The following XPO5 variants were observed in gnomAD, a reference collection of about 807,000 sequenced individuals.
XPO5 encodes the protein exportin 5, also known as exportin-5.
A neutral mutation model predicts 160.6 loss-of-function variants in XPO5; 46 were observed. That is an observed-to-expected ratio of 0.29 (90% CI 0.23 to 0.37). XPO5 has a LOEUF of 0.37. Among genes scored for constraint, XPO5 ranks in the 10% least tolerant of loss-of-function variants. XPO5 has a pLI of 1.00. For missense variants in XPO5, 1,090 were observed against 1,463.9 expected (o/e 0.74, Z 4.17); for synonymous variants, 537 against 519.3 (o/e 1.03, Z -0.46).
intron 12 of XPO5, 34 bp downstream of exon 12, chr6:43,558,467 C>T (rs550496918): frequency 6.5e-7 from 1 of 1,539,966 alleles, no homozygotes; most frequent in African/African-American, 1.4e-5. Context: ...CATTCTGAGA[C>T]TGTTGAGAGA....
chr6:43,569,827 A>C (rs927530959), intron 5 of XPO5, among the ~76,000 whole-genome samples: 3 of 151,844 alleles, frequency 2.0e-5, no homozygotes, highest in African/African-American at 7.3e-5. Context: ...TCACACCTAT[A>C]ATCTCAGCAC....
At position 43,523,952 on chromosome 6, in the gene XPO5, T is replaced by TG; in HGVS notation, c.3530dup (p.Leu1178ThrfsTer17). 1 of 1,613,974 alleles carries TG rather than the reference T, an allele frequency of 6.2e-7. No homozygotes were observed. The highest frequency in any genetic ancestry group is 2.2e-5 in the East Asian group (1 of 44,880). On this transcript the variant is annotated frameshift_variant, in exon 32 of 32. Coordinates refer to ENST00000265351, the MANE Select transcript of XPO5 (RefSeq NM_020750.3). LOFTEE classifies it high-confidence loss of function. ...GCATTGGCTTTGTTTTTTTGAAAAGTGAGGGAAGATTCTTAATGTGAACTT... is the reference window on the plus strand; with the variant it reads ...GCATTGGCTTTGTTTTTTTGAAAAGTGGAGGGAAGATTCTTAATGTGAACTT...
chr6:43,550,026 G>T, intron 15 of XPO5, 92 bp from the exon 16 acceptor site: 1 of 1,347,924 alleles, frequency 7.4e-7, no homozygotes. Flanking sequence ...GAATTCCTGG[G>T]CTCAACTGAT....
intron 20 of XPO5, among the ~76,000 whole-genome samples, chr6:43,540,247 G>A (rs1488481695): frequency 6.6e-6 from 1 of 152,172 alleles, no homozygotes; most frequent in East Asian, 1.9e-4. Context: ...AAATTAGCCA[G>A]GCCGGGCGGA....
At chr6:43,561,469 C>T in intron 9 of XPO5, 2 of 155,478 alleles carry the variant, frequency 1.3e-5, no homozygotes, top group Non-Finnish European at 2.8e-5. Context: ...ACCTCTACCT[C>T]CAGGGTTCAA....
At chr6:43,556,657 C>T (rs187621643) in intron 12 of XPO5, among the ~76,000 whole-genome samples, 2 of 152,182 alleles carry the variant, frequency 1.3e-5, no homozygotes, top group Admixed American at 6.6e-5. Flanking sequence ...TCCAGCAATT[C>T]TACTCCTAGT....
At chr6:43,548,577 A>G in intron 17 of XPO5, 117 bp from the exon 18 acceptor site, 1 of 923,698 alleles carries the variant, frequency 1.1e-6, no homozygotes, top group Non-Finnish European at 1.5e-6. Context: ...TCAGGCCTAT[A>G]AGGTTATTAT....
At chr6:43,559,385 G>C (rs761213573) in intron 11 of XPO5, among the ~76,000 whole-genome samples, 2 of 152,190 alleles carry the variant, frequency 1.3e-5, no homozygotes, top group African/African-American at 2.4e-5. Context: ...ACCATTCTCT[G>C]ATGTTACAAA....
At chr6:43,527,539 C>T (rs1055780484) in intron 26 of XPO5, 95 bp downstream of exon 26, 25 of 1,256,674 alleles carry the variant, frequency 2.0e-5, no homozygotes, top group Middle Eastern at 1.9e-4. Context: ...AAACATGAAT[C>T]CTTTGCATTA....
intron 5 of XPO5, among the ~76,000 whole-genome samples, chr6:43,569,903 C>T (rs960225696): frequency 2.0e-5 from 3 of 150,492 alleles, no homozygotes; most frequent in Non-Finnish European, 2.9e-5. Flanking sequence ...GCTAACACAG[C>T]GAAACTCCAT....
At chr6:43,534,920 G>C (rs1794222087) in intron 20 of XPO5, among the ~76,000 whole-genome samples, 1 of 152,040 alleles carries the variant, frequency 6.6e-6, no homozygotes, top group Non-Finnish European at 1.5e-5. Context: ...GCTTGAACTT[G>C]CGAGGCAGAG....
chr6:43,529,262 G>T, intron 23 of XPO5: 1 of 1,365,834 alleles, frequency 7.3e-7, no homozygotes. Context: ...AGAAAGATTT[G>T]CTGGCTGCGG....
At chr6:43,567,084 T>A (rs1762733123) in intron 7 of XPO5, 85 bp downstream of exon 7, 1 of 1,411,928 alleles carries the variant, frequency 7.1e-7, no homozygotes, top group African/African-American at 1.4e-5. Context: ...AACCTTTAAA[T>A]GACTTTCTGC....
intron 20 of XPO5, among the ~76,000 whole-genome samples, chr6:43,544,507 G>A (rs771662388): frequency 2.6e-5 from 4 of 152,132 alleles, no homozygotes; most frequent in Admixed American, 2.0e-4. Flanking sequence ...CTGTTTCCAC[G>A]TCTGGGTTGG....
intron 21 of XPO5, among the ~76,000 whole-genome samples, chr6:43,532,792 C>G (rs1794063467): frequency 6.6e-6 from 1 of 152,194 alleles, no homozygotes; most frequent in Admixed American, 6.5e-5. Flanking sequence ...TATGACTGCA[C>G]AGTTATTTTC....
At chr6:43,526,224 G>A (rs1793578715) in intron 27 of XPO5, 1 of 425,792 alleles carries the variant, frequency 2.3e-6, no homozygotes, top group Admixed American at 3.8e-5. Flanking sequence ...TTTAGTTACT[G>A]GGGATAAAAG....
At chr6:43,541,930 C>G (rs1160372689) in intron 20 of XPO5, among the ~76,000 whole-genome samples, 1 of 152,108 alleles carries the variant, frequency 6.6e-6, no homozygotes, top group Non-Finnish European at 1.5e-5. Context: ...AGCATGCACA[C>G]CACCACGCCT....
rs765656561 is a variant in XPO5, at chr6:43,549,967, T to G, written c.1729-33A>C. ...AGAGGAGGAAAAAAGGTCACTCATG[T>G]TTATTTGTTTTAGAGATGAGATCTT... On this transcript the variant is annotated intron_variant, in intron 15 of 31. Transcript: ENST00000265351. The G allele has an allele frequency of 3.7e-5, 60 of 1,604,084 alleles. No homozygotes were observed. The Admixed American group carries it at 1.0e-3, about 27-fold the overall frequency.
chr6:43,567,231 A>G lies in XPO5; in HGVS notation c.772T>C (p.Leu258=). 5 of 1,613,954 alleles carry G rather than the reference A, an allele frequency of 3.1e-6. No homozygotes were observed. The highest frequency in any genetic ancestry group is 4.2e-6 in the Non-Finnish European group (5 of 1,179,876). The change falls in exon 7 of 32, where the codon TTG becomes CTG. Residue 258 remains leucine, a synonymous_variant. Coordinates refer to ENST00000265351, the MANE Select transcript of XPO5 (RefSeq NM_020750.3). The part of the protein sequence containing the change: ...CKLLEILCLL[L]NEQELQLGAA... Reference sequence around the variant, plus strand: ...CCCAACTGAAGTTCCTGTTCATTCAACAGCAAACACAGTATCTCCAGGAGT... The same window carrying G: ...CCCAACTGAAGTTCCTGTTCATTCAGCAGCAAACACAGTATCTCCAGGAGT...
Sources: gnomAD v4.1 joint callset for allele counts (sites outside exome capture counted in the v4.1 genomes callset) on GRCh38, gnomAD v4.1.1 for gene constraint, MANE v1.5 for transcripts, NCBI Gene and HGNC (gene_info 2026-07-23, HGNC 2026-07-21) for gene names.